The following AGBL4 variants were observed in gnomAD, a reference collection of about 807,000 sequenced individuals.
AGBL4 encodes the protein cytosolic carboxypeptidase 6.
A neutral mutation model predicts 66.4 loss-of-function variants in AGBL4; 58 were observed. The observed-to-expected ratio is 0.87, with a 90% confidence interval of 0.71 to 1.09. The LOEUF is 1.09. Ranked by LOEUF, AGBL4 falls within the 50% of genes least tolerant of loss-of-function variation. AGBL4 has a pLI of 0.00. For missense variants in AGBL4, 579 were observed against 631.0 expected (o/e 0.92, Z 0.88); for synonymous variants, 234 against 222.9 (o/e 1.05, Z -0.44).
chr1:49,419,774 T>C (rs2148640128), intron 3 of AGBL4, among the ~76,000 whole-genome samples: 1 of 152,326 alleles, frequency 6.6e-6, no homozygotes, highest in African/African-American at 2.4e-5. Context: ...AAAAATACTA[T>C]TAGGTATAAA....
chr1:49,146,974 G>C (rs1380765607), intron 4 of AGBL4, among the ~76,000 whole-genome samples: 3 of 152,220 alleles, frequency 2.0e-5, no homozygotes, highest in Non-Finnish European at 4.4e-5. Flanking sequence ...AGAAAACTCA[G>C]AATGCTGAAG....
Position 48,924,326 on chromosome 1 carries a change from G to A in AGBL4, c.595-57096C>T, listed in dbSNP as rs561365412. Among the ~76,000 whole-genome samples the A allele has an allele frequency of 4.0e-5, 6 of 150,924 alleles. No homozygotes were observed. The East Asian group carries it at 7.8e-4, about 20-fold the overall frequency. ...TAAATAAATAAATAAATAGGCTTATGCTTCATGGGTCTCTATTTGTTCTCT... is the reference window on the plus strand; with the variant it reads ...TAAATAAATAAATAAATAGGCTTATACTTCATGGGTCTCTATTTGTTCTCT... On this transcript the variant is annotated intron_variant, in intron 5 of 13. Transcript: ENST00000371839.
intron 5 of AGBL4, among the ~76,000 whole-genome samples, chr1:48,923,369 G>A (rs928591225): frequency 2.0e-4 from 31 of 152,172 alleles, no homozygotes; most frequent in African/African-American, 7.5e-4. Flanking sequence ...GGCTTGCCTA[G>A]AAGGTCTCAA....
intron 7 of AGBL4, among the ~76,000 whole-genome samples, chr1:48,656,917 A>G (rs1403239649): frequency 6.6e-6 from 1 of 152,198 alleles, no homozygotes; most frequent in East Asian, 1.9e-4. Context: ...AAACTTCAGC[A>G]ACACACTATT....
intron 5 of AGBL4, among the ~76,000 whole-genome samples, chr1:48,940,023 C>T (rs1655823534): frequency 6.6e-6 from 1 of 152,184 alleles, no homozygotes; most frequent in Non-Finnish European, 1.5e-5. Flanking sequence ...GTCGATAGTG[C>T]TGAGGTTGCA....
At chr1:49,942,665 C>T (rs990538272) in intron 1 of AGBL4, among the ~76,000 whole-genome samples, 10 of 152,104 alleles carry the variant, frequency 6.6e-5, no homozygotes, top group African/African-American at 1.7e-4. Context: ...TTGTACCATA[C>T]GTACACAAAA....
chr1:49,382,950 G>C (rs1644654476), intron 3 of AGBL4, among the ~76,000 whole-genome samples: 1 of 152,112 alleles, frequency 6.6e-6, no homozygotes, highest in South Asian at 2.1e-4. Context: ...ATCCAGCCTG[G>C]ACAACATAGC....
chr1:49,212,076 T>C (rs1227724066), intron 4 of AGBL4, among the ~76,000 whole-genome samples: 3 of 152,104 alleles, frequency 2.0e-5, no homozygotes, highest in Admixed American at 6.6e-5. Context: ...TCCCCAATCA[T>C]ACAACTAGTG....
intron 3 of AGBL4, among the ~76,000 whole-genome samples, chr1:49,469,257 A>AT (rs528448982): frequency 4.0e-5 from 6 of 151,788 alleles, no homozygotes; most frequent in Non-Finnish European, 7.4e-5. Flanking sequence ...TGTTTCTCAA[A>AT]TGTCCTTTAA....
chr1:49,034,031 G>A (rs924729893), intron 5 of AGBL4, among the ~76,000 whole-genome samples: 17 of 152,094 alleles, frequency 1.1e-4, no homozygotes, highest in Middle Eastern at 6.8e-3. Flanking sequence ...TGGAGTTCCA[G>A]TGTTGATTCC....
chr1:48,651,968 G>C (rs949592495), intron 8 of AGBL4, among the ~76,000 whole-genome samples: 1 of 152,202 alleles, frequency 6.6e-6, no homozygotes, highest in Non-Finnish European at 1.5e-5. Context: ...GGACACAAAG[G>C]CCATTAAGGT....
chr1:49,663,440 G>A (rs1270625115), intron 3 of AGBL4, among the ~76,000 whole-genome samples: 3 of 152,152 alleles, frequency 2.0e-5, no homozygotes, highest in Non-Finnish European at 4.4e-5. Context: ...AAACACAGAT[G>A]GATACAGAAG....
At chr1:49,143,517 G>A (rs1441213828) in intron 4 of AGBL4, among the ~76,000 whole-genome samples, 1 of 152,100 alleles carries the variant, frequency 6.6e-6, no homozygotes, top group African/African-American at 2.4e-5. Flanking sequence ...TTCTGCTTCT[G>A]GACTGTGAGT....
intron 5 of AGBL4, among the ~76,000 whole-genome samples, chr1:49,031,559 A>T (rs1224555585): frequency 6.6e-6 from 1 of 152,162 alleles, no homozygotes; most frequent in Non-Finnish European, 1.5e-5. Context: ...AATAATAAAA[A>T]CACAAAAAAT....
At chr1:49,605,331 T>C (rs917491229) in intron 3 of AGBL4, among the ~76,000 whole-genome samples, 1 of 152,176 alleles carries the variant, frequency 6.6e-6, no homozygotes, top group Non-Finnish European at 1.5e-5. Flanking sequence ...ATCTTTTTTG[T>C]TGAATTCTTA....
intron 9 of AGBL4, among the ~76,000 whole-genome samples, chr1:48,633,339 C>T (rs886436438): frequency 2.0e-5 from 3 of 152,156 alleles, no homozygotes; most frequent in Non-Finnish European, 4.4e-5. Context: ...TCACTGGCAT[C>T]CTCAATGAGG....
At chr1:49,330,764 G>A (rs1207102212) in intron 3 of AGBL4, among the ~76,000 whole-genome samples, 2 of 152,114 alleles carry the variant, frequency 1.3e-5, no homozygotes, top group Non-Finnish European at 1.5e-5. Flanking sequence ...TGAAGCAAAG[G>A]GGTGAAGGGG....
At chr1:49,692,226 A>C (rs920955346) in intron 3 of AGBL4, among the ~76,000 whole-genome samples, 1 of 152,134 alleles carries the variant, frequency 6.6e-6, no homozygotes, top group African/African-American at 2.4e-5. Context: ...AGATGAGAAA[A>C]CTGAGGTACC....
chr1:48,591,188 A>T (rs1644914681), intron 9 of AGBL4, among the ~76,000 whole-genome samples: 2 of 149,242 alleles, frequency 1.3e-5, no homozygotes, highest in South Asian at 2.1e-4. Context: ...ACAGGTGACG[A>T]CCAATTCCTC....
Sources: allele counts gnomAD v4.1 joint callset (sites outside exome capture counted in the v4.1 genomes callset), GRCh38; gene constraint gnomAD v4.1.1; transcripts MANE v1.5; gene names NCBI Gene and HGNC (gene_info 2026-07-23, HGNC 2026-07-21).